The following SHANK2 variants were observed in gnomAD, a reference collection of about 807,000 sequenced individuals.
SHANK2 encodes the protein SH3 and multiple ankyrin repeat domains protein 2.
SHANK2 carries 43 observed loss-of-function variants against 133.7 expected under a neutral mutation model. The ratio of observed to expected loss-of-function variants is 0.32; its 90% confidence interval spans 0.25 to 0.41. SHANK2 has a LOEUF of 0.41. Among genes scored for constraint, SHANK2 ranks in the 10% least tolerant of loss-of-function variants. The probability of loss-of-function intolerance (pLI) is 1.00; values close to 1 mark genes in which losing one functional copy is unlikely to be tolerated. For synonymous variants in SHANK2, 1,017 were observed against 952.8 expected (o/e 1.07, Z -1.24); for missense variants, 1,994 against 2,235.8 (o/e 0.89, Z 2.18).
intron 12 of SHANK2, among the ~76,000 whole-genome samples, chr11:70,817,425 G>A (rs995972883): frequency 6.6e-5 from 10 of 152,342 alleles, no homozygotes; most frequent in Non-Finnish European, 5.9e-5. Context: ...AGGGACTGAC[G>A]GGTCAGGGCC....
chr11:70,803,330 C>CCGTT (rs1948090774), intron 13 of SHANK2, among the ~76,000 whole-genome samples: 1 of 151,624 alleles, frequency 6.6e-6, no homozygotes, highest in Non-Finnish European at 1.5e-5. Context: ...ACCCATCCAT[C>CCGTT]CATCTACCCA....
intron 3 of SHANK2, among the ~76,000 whole-genome samples, chr11:71,123,839 A>C (rs73521182): frequency 0.06 from 9,192 of 152,010 alleles, 854 homozygotes; most frequent in African/African-American, 0.21. Context: ...GGAGGAAACA[A>C]CTCTCTTCTC....
chr11:70,663,015 C>T (rs1944602994), intron 15 of SHANK2, among the ~76,000 whole-genome samples: 1 of 152,088 alleles, frequency 6.6e-6, no homozygotes, highest in Non-Finnish European at 1.5e-5. Context: ...GGGAGGGAGG[C>T]AGCGTGGAGG....
At chr11:71,148,520 T>C (rs544272988) in intron 2 of SHANK2, among the ~76,000 whole-genome samples, 69 of 152,324 alleles carry the variant, frequency 4.5e-4, no homozygotes, top group African/African-American at 1.5e-3. Flanking sequence ...GACCCAGGGA[T>C]GGCAGGGACT....
chr11:71,060,769 G>A (rs1003502704), intron 9 of SHANK2, among the ~76,000 whole-genome samples: 5 of 152,112 alleles, frequency 3.3e-5, no homozygotes, highest in Non-Finnish European at 5.9e-5. Context: ...ACAAGGAAAC[G>A]AGCTGCTAGA....
chr11:70,845,945 G>T (rs185270640), intron 11 of SHANK2, among the ~76,000 whole-genome samples: 109 of 152,316 alleles, frequency 7.2e-4, no homozygotes, highest in African/African-American at 2.5e-3. Context: ...TCAGAGGAAA[G>T]CACCCCAGAG....
At chr11:70,499,965 C>T (rs1042219754) in intron 21 of SHANK2, among the ~76,000 whole-genome samples, 9 of 152,160 alleles carry the variant, frequency 5.9e-5, no homozygotes, top group East Asian at 3.9e-4. Context: ...CAGCAGCAGG[C>T]GAGCAATACC....
At chr11:71,193,660 C>A (rs1180506968) in intron 2 of SHANK2, among the ~76,000 whole-genome samples, 3 of 152,192 alleles carry the variant, frequency 2.0e-5, no homozygotes, top group Non-Finnish European at 4.4e-5. Context: ...GCCCTGGGCA[C>A]CTGCACGAGT....
In SHANK2 at chr11:70,621,339, A is replaced by C. The variant is rs528094949; in HGVS notation, c.2061+38489T>G. Among the ~76,000 whole-genome samples, 3 of 152,326 alleles carry C rather than the reference A, an allele frequency of 2.0e-5. No homozygotes were observed. In the South Asian group the frequency reaches 6.2e-4, roughly 32 times the overall value. The stretch of plus-strand genomic sequence containing the variant: ...CAGGAGCGGCCAGGGTACTCATTTG[A>C]GGTCACAGGTGGAACATGCGAAGCA... On this transcript the variant is annotated intron_variant, in intron 17 of 25. Coordinates refer to ENST00000601538, the MANE Select transcript of SHANK2 (RefSeq NM_012309.5).
intron 17 of SHANK2, among the ~76,000 whole-genome samples, chr11:70,545,486 G>A (rs1193063503): frequency 6.6e-6 from 1 of 152,158 alleles, no homozygotes; most frequent in Non-Finnish European, 1.5e-5. Context: ...GCCCACTGCA[G>A]AGCTGAGGGT....
At chr11:70,659,178 G>A (rs1257818809) in intron 17 of SHANK2, among the ~76,000 whole-genome samples, 1 of 152,122 alleles carries the variant, frequency 6.6e-6, no homozygotes, top group Non-Finnish European at 1.5e-5. Flanking sequence ...TTGCAGAGCC[G>A]GAGCACTCAA....
chr11:71,090,538 C>CTGTGTG (rs1491562406), intron 8 of SHANK2, among the ~76,000 whole-genome samples: 1 of 4,632 alleles, frequency 2.2e-4, no homozygotes, highest in Non-Finnish European at 4.1e-4. Context: ...GAAACACAAC[C>CTGTGTG]TCTGTGTGTG....
Position 71,175,785 on chromosome 11 carries a change from T to C in SHANK2, c.-12-28447A>G, listed in dbSNP as rs1423562747. On this transcript the variant is annotated intron_variant, in intron 2 of 25. Coordinates refer to ENST00000601538, the MANE Select transcript of SHANK2 (RefSeq NM_012309.5). The surrounding 1 kb of genome is among the most constrained non-coding windows in gnomAD (Gnocchi z 4.2). ...GGAAATAATGAGGTGAGCCCTATGA[T>C]GACTCCCAGCTTTCTGCCTCCTCAG... 6.6e-6 allele frequency among the ~76,000 whole-genome samples: 1 copy of C among 152,182 alleles called. No homozygotes were observed. Among genetic ancestry groups the C allele is most frequent in the African/African-American group, 2.4e-5 (1 of 41,440 alleles).
chr11:71,082,563 C>T (rs1000409505), intron 8 of SHANK2, among the ~76,000 whole-genome samples: 10 of 152,212 alleles, frequency 6.6e-5, no homozygotes, highest in Non-Finnish European at 1.5e-4. Flanking sequence ...CAGTCCCACC[C>T]TGGCAGGAAG....
At chr11:70,916,533 C>A (rs1470818546) in intron 10 of SHANK2, among the ~76,000 whole-genome samples, 1 of 152,266 alleles carries the variant, frequency 6.6e-6, no homozygotes. Flanking sequence ...GCCCCGCCAC[C>A]CTTTCACACA....
intron 17 of SHANK2, among the ~76,000 whole-genome samples, chr11:70,545,877 T>A (rs1434421896): frequency 2.6e-5 from 4 of 152,162 alleles, no homozygotes; most frequent in Non-Finnish European, 5.9e-5. Context: ...AGAGCTCCCA[T>A]AACCCTTGCT....
chr11:70,555,323 A>G (rs1228562829), intron 17 of SHANK2, among the ~76,000 whole-genome samples: 11 of 152,360 alleles, frequency 7.2e-5, no homozygotes, highest in Admixed American at 5.9e-4. Flanking sequence ...ACTTTAAATC[A>G]AAAGCTAGAA....
intron 6 of SHANK2, among the ~76,000 whole-genome samples, chr11:71,098,145 A>ATGCATGCCTGTGTGCATG (rs1370965906): frequency 3.7e-5 from 5 of 135,784 alleles, no homozygotes; most frequent in African/African-American, 5.7e-5. Context: ...GCCTGTGTGC[A>ATGCATGCCTGTGTGCATG]TGCATGCCTG....
At chr11:70,680,310 A>C (rs538246507) in intron 15 of SHANK2, among the ~76,000 whole-genome samples, 1 of 152,286 alleles carries the variant, frequency 6.6e-6, no homozygotes, top group Non-Finnish European at 1.5e-5. Flanking sequence ...AGCTAGACAC[A>C]TTTAGCCTCT....
Sources: gnomAD v4.1 joint callset for allele counts (sites outside exome capture counted in the v4.1 genomes callset) on GRCh38, gnomAD v4.1.1 for gene constraint, Gnocchi (gnomAD v3.1) non-coding constraint, MANE v1.5 for transcripts, NCBI Gene and HGNC (gene_info 2026-07-23, HGNC 2026-07-21) for gene names.